PID1: variants seen among roughly 807,000 people sequenced by gnomAD.
PID1 encodes the protein phosphotyrosine interaction domain containing 1, also known as PTB-containing, cubilin and LRP1-interacting protein.
PID1 carries 10 observed loss-of-function variants against 19.1 expected under a neutral mutation model. The observed-to-expected ratio is 0.52, with a 90% CI of 0.32 to 0.89. PID1 has a LOEUF of 0.89. Among genes scored for constraint, PID1 ranks in the 40% least tolerant of loss-of-function variants. The pLI, the probability that PID1 is intolerant of heterozygous loss-of-function variation, is 0.03. For synonymous variants in PID1, 130 were observed against 116.0 expected (o/e 1.12, Z -0.78); for missense variants, 248 against 285.3 (o/e 0.87, Z 0.94).
chr2:229,240,453 C>T (rs1466299526), intron 1 of PID1, among the ~76,000 whole-genome samples: 1 of 152,144 alleles, frequency 6.6e-6, no homozygotes, highest in Admixed American at 6.5e-5. Flanking sequence ...ATCTTGTTTT[C>T]ATGTCCATGG....
chr2:229,050,234 G>T (rs548561406), intron 2 of PID1, among the ~76,000 whole-genome samples: 2 of 152,254 alleles, frequency 1.3e-5, no homozygotes, highest in African/African-American at 4.8e-5. Flanking sequence ...TCCCCCATTA[G>T]AGCGTGTGGT....
intron 1 of PID1, among the ~76,000 whole-genome samples, chr2:229,159,192 T>A (rs1690444801): frequency 6.6e-6 from 1 of 152,152 alleles, no homozygotes; most frequent in African/African-American, 2.4e-5. Flanking sequence ...AAACAGCTCA[T>A]CTCATATAAG....
intron 1 of PID1, among the ~76,000 whole-genome samples, chr2:229,238,196 A>T (rs1200342928): frequency 6.6e-6 from 1 of 152,174 alleles, no homozygotes; most frequent in African/African-American, 2.4e-5. Flanking sequence ...CATGAGTGGA[A>T]TTGGAAAGCC....
At chr2:229,182,182 G>T (rs1239134840) in intron 1 of PID1, among the ~76,000 whole-genome samples, 1 of 152,110 alleles carries the variant, frequency 6.6e-6, no homozygotes, top group African/African-American at 2.4e-5. Flanking sequence ...CAGCAAGAGT[G>T]AACCCTAATG....
intron 2 of PID1, among the ~76,000 whole-genome samples, chr2:229,113,483 T>C (rs913463051): frequency 3.8e-5 from 5 of 131,504 alleles, no homozygotes; most frequent in African/African-American, 1.4e-4. Context: ...TGTGTATATA[T>C]ATATACATGT....
At chr2:229,207,452 T>C (rs1380728987) in intron 1 of PID1, among the ~76,000 whole-genome samples, 1 of 150,562 alleles carries the variant, frequency 6.6e-6, no homozygotes, top group Non-Finnish European at 1.5e-5. Context: ...TCAACAAATA[T>C]GAGTTTCTTC....
chr2:229,130,436 T>C (rs1689706438), intron 2 of PID1, among the ~76,000 whole-genome samples: 2 of 152,156 alleles, frequency 1.3e-5, no homozygotes, highest in South Asian at 2.1e-4. Context: ...AAAGAAAACA[T>C]AGAAAAGTCT....
At chr2:229,055,746 A>G (rs534400565) in intron 2 of PID1, among the ~76,000 whole-genome samples, 2 of 152,368 alleles carry the variant, frequency 1.3e-5, no homozygotes, top group South Asian at 4.1e-4. Flanking sequence ...AAGCAGGATA[A>G]AGCCTGAGAA....
chr2:229,195,416 A>C (rs1691355478), intron 1 of PID1, among the ~76,000 whole-genome samples: 1 of 151,876 alleles, frequency 6.6e-6, no homozygotes, highest in East Asian at 1.9e-4. Context: ...ACATGCATAC[A>C]TACATGTATA....
intron 2 of PID1, among the ~76,000 whole-genome samples, chr2:229,067,150 C>G (rs1425375928): frequency 6.6e-6 from 1 of 152,000 alleles, no homozygotes; most frequent in Non-Finnish European, 1.5e-5. Flanking sequence ...GGAAAATCCC[C>G]TTACAAAACC....
rs1690361136 is a variant in PID1, at chr2:229,155,845, C to T, written c.150G>A (p.Met50Ile). The T allele has an allele frequency of 6.2e-7, 1 of 1,613,392 alleles. No individual in the cohort carries two copies. The highest frequency in any genetic ancestry group is 8.5e-7 in the Non-Finnish European group (1 of 1,179,846). Residue 50 changes from methionine (M) to isoleucine (I), a missense_variant, in exon 2 of 3, where the codon ATG becomes ATA. Met to Ile is a conservative substitution (Grantham distance 10). Transcript: ENST00000392055. ...TGCAGCCACTGTGAGTCCTTGTCTT[C>T]ATCAGCGGTGTGGTCGTGCACAGCT... ...AIELCTTTPLMKTRTHSGCKV... is the reference protein window; with the variant it reads ...AIELCTTTPLIKTRTHSGCKV...
intron 1 of PID1, among the ~76,000 whole-genome samples, chr2:229,165,298 A>G (rs1398407372): frequency 6.6e-6 from 1 of 152,168 alleles, no homozygotes; most frequent in Admixed American, 6.5e-5. Context: ...CCTAACATCC[A>G]ATCAAAAATC....
intron 1 of PID1, among the ~76,000 whole-genome samples, chr2:229,188,654 A>C (rs1691185660): frequency 6.6e-6 from 1 of 151,222 alleles, no homozygotes; most frequent in Admixed American, 6.6e-5. Context: ...CAGGAGAATC[A>C]CTTGAACCCA....
chr2:229,126,931 T>G (rs1386052046), intron 2 of PID1, among the ~76,000 whole-genome samples: 1 of 152,226 alleles, frequency 6.6e-6, no homozygotes, highest in East Asian at 1.9e-4. Flanking sequence ...AGCTTTCTGG[T>G]CAGGCTCCTC....
chr2:229,159,647 C>G (rs1690452714), intron 1 of PID1, among the ~76,000 whole-genome samples: 1 of 152,154 alleles, frequency 6.6e-6, no homozygotes, highest in Non-Finnish European at 1.5e-5. Context: ...CCTACTAGTT[C>G]TGTCTCTCTG....
chr2:229,120,972 C>T (rs1246039376), intron 2 of PID1, among the ~76,000 whole-genome samples: 1 of 152,070 alleles, frequency 6.6e-6, no homozygotes, highest in Non-Finnish European at 1.5e-5. Context: ...TATGATGCTA[C>T]ACAAAAGCCT....
intron 2 of PID1, among the ~76,000 whole-genome samples, chr2:229,098,528 C>A (rs1327855363): frequency 6.6e-6 from 1 of 152,136 alleles, no homozygotes; most frequent in African/African-American, 2.4e-5. Context: ...TTTTCTATAT[C>A]TCTCAGAAGA....
chr2:229,238,406 T>C (rs1689774688), intron 1 of PID1, among the ~76,000 whole-genome samples: 1 of 152,112 alleles, frequency 6.6e-6, no homozygotes, highest in Non-Finnish European at 1.5e-5. Flanking sequence ...AGCCCAAAGA[T>C]AAATTGGTCA....
chr2:229,081,118 T>C (rs776356105), intron 2 of PID1, among the ~76,000 whole-genome samples: 1 of 152,236 alleles, frequency 6.6e-6, no homozygotes, highest in Non-Finnish European at 1.5e-5. Context: ...CATATTCCCA[T>C]TGCAATGCCT....
Sources: allele counts gnomAD v4.1 joint callset (sites outside exome capture counted in the v4.1 genomes callset), GRCh38; gene constraint gnomAD v4.1.1; transcripts MANE v1.5; gene names NCBI Gene and HGNC (gene_info 2026-07-23, HGNC 2026-07-21).